The following NFAT5 variants were observed in gnomAD, a reference collection of about 807,000 sequenced individuals.
NFAT5 encodes the protein nuclear factor of activated T cells 5, also known as nuclear factor of activated T-cells 5.
A neutral mutation model predicts 166.5 loss-of-function variants in NFAT5; 31 were observed. The observed-to-expected ratio is 0.19, with a 90% CI of 0.14 to 0.25. The LOEUF is 0.25. Among genes scored for constraint, NFAT5 ranks in the 10% least tolerant of loss-of-function variants. The pLI, the probability that NFAT5 is intolerant of heterozygous loss-of-function variation, is 1.00. For synonymous variants in NFAT5, 612 were observed against 639.7 expected (o/e 0.96, Z 0.65); for missense variants, 1,449 against 1,821.8 (o/e 0.80, Z 3.72).
chr16:69,599,078 A>G (rs1196673240), intron 2 of NFAT5, among the ~76,000 whole-genome samples: 1 of 151,832 alleles, frequency 6.6e-6, no homozygotes, highest in African/African-American at 2.4e-5. Context: ...AGAAACAGAA[A>G]GTAAATTAGT....
intron 11 of NFAT5, among the ~76,000 whole-genome samples, chr16:69,690,211 T>G (rs1043757190): frequency 1.3e-5 from 2 of 152,052 alleles, no homozygotes; most frequent in African/African-American, 4.8e-5. Context: ...TAGGTATAAA[T>G]CTAGAACTAA....
At chr16:69,675,164 T>A (rs2036782246) in intron 9 of NFAT5, among the ~76,000 whole-genome samples, 1 of 152,232 alleles carries the variant, frequency 6.6e-6, no homozygotes, top group Non-Finnish European at 1.5e-5. Context: ...TAGTTTTACT[T>A]AAATGTGCTC....
At chr16:69,683,982 C>G (rs1567605236) in intron 10 of NFAT5, among the ~76,000 whole-genome samples, 1 of 151,958 alleles carries the variant, frequency 6.6e-6, no homozygotes, top group South Asian at 2.1e-4. Flanking sequence ...GCCTGTAGTC[C>G]CAGCTACTTG....
chr16:69,575,557 G>C (rs114660385), intron 2 of NFAT5, among the ~76,000 whole-genome samples: 1,758 of 152,140 alleles, frequency 0.012, 26 homozygotes, highest in African/African-American at 0.037. Context: ...CATTGAGCCT[G>C]CATGATCATG....
In NFAT5 at chr16:69,647,120, A is replaced by T; in HGVS notation, c.346A>T (p.Thr116Ser). The change falls in exon 4 of 15, where the codon ACC becomes TCC. Residue 116 changes from threonine (T) to serine (S), a missense_variant. Thr to Ser is a moderately conservative substitution (Grantham distance 58). Coordinates refer to ENST00000349945, the MANE Select transcript of NFAT5 (RefSeq NM_138713.4). This position sits in a 1 kb window ranked among gnomAD's most constrained non-coding sequence, Gnocchi z 4.8. Reference protein sequence around the residue: ...SSPTIYSTSVTDSKAMQVESC... With the variant: ...SSPTIYSTSVSDSKAMQVESC... Reference sequence around the variant, plus strand: ...CCCTACCATTTATTCTACCTCAGTCACCGACAGCAAGGCTATGCAAGTGGA... The same window carrying T: ...CCCTACCATTTATTCTACCTCAGTCTCCGACAGCAAGGCTATGCAAGTGGA... The T allele has an allele frequency of 1.2e-6, 2 of 1,613,856 alleles. No homozygotes were observed. The highest frequency in any genetic ancestry group is 1.7e-6 in the Non-Finnish European group (2 of 1,179,848).
intron 2 of NFAT5, among the ~76,000 whole-genome samples, chr16:69,612,423 A>G (rs1051086345): frequency 2.1e-5 from 3 of 141,082 alleles, no homozygotes; most frequent in Admixed American, 7.5e-5. Context: ...ACTTTTAAAA[A>G]CTTTGCATTA....
rs1384578101 is a variant in NFAT5 at position 69,669,902 on chromosome 16, A to G, written c.1370-75A>G. 4 of 1,317,724 alleles carry G rather than the reference A, an allele frequency of 3.0e-6. No individual in the cohort carries two copies. In the African/African-American group the frequency reaches 4.5e-5, roughly 15 times the overall value. The allele number at this position is 1,317,724 out of a possible 1,614,324, so 81.6% of individuals were successfully genotyped here. ...CAATAAAGACAACTCATAGAACCGG[A>G]TGATTGCAAGTTGATTTTAGGTAAG... On this transcript the variant is annotated intron_variant, in intron 7 of 14. Transcript: ENST00000349945.
At chr16:69,689,726 G>C (rs184389393) in intron 11 of NFAT5, among the ~76,000 whole-genome samples, 71 of 152,170 alleles carry the variant, frequency 4.7e-4, no homozygotes, top group Non-Finnish European at 5.9e-5. Flanking sequence ...TGTATTTTTA[G>C]TAGAGACAGA....
Position 69,647,310 on chromosome 16 carries a change from A to G in NFAT5, c.536A>G (p.Asp179Gly), listed in dbSNP as rs771919612. ...GATAACAGTCGGATGTCCTGCCAGG[A>G]TGAGGGGTGTGGATTGGAATCTGAG... ...LLDNSRMSCQ[D>G]EGCGLESEQS... Residue 179 changes from aspartate to glycine, a missense_variant, in exon 4 of 15, where the codon GAT becomes GGT. Physicochemically the swap from Asp to Gly is moderately conservative, Grantham distance 94 (BLOSUM62 -1). Coordinates refer to ENST00000349945, the MANE Select transcript of NFAT5 (RefSeq NM_138713.4). This position sits in a 1 kb window ranked among gnomAD's most constrained non-coding sequence, Gnocchi z 4.8. 1.9e-6 allele frequency: 3 copies of G among 1,614,162 alleles called. No homozygotes were observed. The highest frequency in any genetic ancestry group is 8.5e-7 in the Non-Finnish European group (1 of 1,180,042).
chr16:69,621,533 C>T (rs757373558), intron 2 of NFAT5, among the ~76,000 whole-genome samples: 9 of 152,102 alleles, frequency 5.9e-5, no homozygotes, highest in Non-Finnish European at 1.0e-4. Context: ...TCTGTTTCTT[C>T]GTATCTTGTG....
At chr16:69,599,824 A>G (rs981150212) in intron 2 of NFAT5, among the ~76,000 whole-genome samples, 1 of 152,198 alleles carries the variant, frequency 6.6e-6, no homozygotes, top group African/African-American at 2.4e-5. Flanking sequence ...TAAAGGCAGT[A>G]TACCTGGAGC....
chr16:69,608,862 C>T (rs1383595214), intron 2 of NFAT5, among the ~76,000 whole-genome samples: 1 of 151,260 alleles, frequency 6.6e-6, no homozygotes, highest in African/African-American at 2.4e-5. Flanking sequence ...TGGCTCACGC[C>T]TGTAATTCCA....
At chr16:69,597,206 G>A (rs1049427004) in intron 2 of NFAT5, among the ~76,000 whole-genome samples, 1 of 151,596 alleles carries the variant, frequency 6.6e-6, no homozygotes, top group Non-Finnish European at 1.5e-5. Context: ...GAAGGAGAGG[G>A]AAAGGAGGTA....
chr16:69,693,829 C>G lies in NFAT5; in HGVS notation c.4004C>G (p.Pro1335Arg). ...SIFHQQSNMA[P>R]MNQEQQPMQF... is the part of the protein sequence containing the mutation. ...TTTCACCAACAAAGTAACATGGCCC[C>G]AATGAATCAAGAGCAACAGCCCATG... Residue 1335 changes from proline to arginine, a missense_variant, in exon 13 of 15, where the codon CCA (proline) becomes CGA (arginine). Around this residue, in one of 7 missense-constraint regions of NFAT5, gnomAD observed 891 missense variants for 993.0 expected, o/e 0.90. Coordinates refer to ENST00000349945, the MANE Select transcript of NFAT5 (RefSeq NM_138713.4). The G allele has an allele frequency of 6.2e-7, 1 of 1,614,190 alleles. No individual in the cohort carries two copies. Among genetic ancestry groups the G allele is most frequent in the Non-Finnish European group, 8.5e-7 (1 of 1,180,018 alleles).
rs114412248 is a variant in NFAT5, at chr16:69,591,799, G to A, written c.127+23251G>A. Among the ~76,000 whole-genome samples, 660 of 152,086 alleles carry A rather than the reference G, an allele frequency of 4.3e-3. 6 individuals are homozygous for A. The highest frequency in any genetic ancestry group is 0.015 in the African/African-American group (607 of 41,488). ...ATGGGGCCAAGGCAGATGACTTAAGGCCAGGAGTTCAAGACCAGCATGGGC... is the reference window on the plus strand; with the variant it reads ...ATGGGGCCAAGGCAGATGACTTAAGACCAGGAGTTCAAGACCAGCATGGGC... On this transcript the variant is annotated intron_variant, in intron 2 of 14. Transcript: ENST00000349945.
At chr16:69,682,438 C>A (rs931263388) in intron 10 of NFAT5, among the ~76,000 whole-genome samples, 5 of 150,764 alleles carry the variant, frequency 3.3e-5, no homozygotes, top group Non-Finnish European at 7.4e-5. Context: ...TGAGACCCCC[C>A]CCCCCGCCAT....
intron 7 of NFAT5, 93 bp from the exon 8 acceptor site, chr16:69,669,884 G>C (rs1267745302): frequency 5.4e-6 from 6 of 1,107,006 alleles, no homozygotes; most frequent in Non-Finnish European, 7.6e-6. Context: ...CTTCAATAAA[G>C]ACAACTCATA....
At chr16:69,660,911 C>T (rs760880029) in intron 7 of NFAT5, among the ~76,000 whole-genome samples, 4 of 151,638 alleles carry the variant, frequency 2.6e-5, no homozygotes, top group Non-Finnish European at 5.9e-5. Context: ...CAGGCTCAAG[C>T]GATTCTCCTG....
intron 2 of NFAT5, among the ~76,000 whole-genome samples, chr16:69,571,527 A>G (rs1182117044): frequency 6.6e-6 from 1 of 152,104 alleles, no homozygotes. Flanking sequence ...TCCCAATGGT[A>G]TATACTATCA....
Sources: gnomAD v4.1 joint callset for allele counts (sites outside exome capture counted in the v4.1 genomes callset) on GRCh38, gnomAD v4.1.1 for gene constraint, gnomAD v4.1.1 regional missense constraint, Gnocchi (gnomAD v3.1) non-coding constraint, MANE v1.5 for transcripts, NCBI Gene and HGNC (gene_info 2026-07-23, HGNC 2026-07-21) for gene names.